Variants in SDK1 observed in about 807,000 individuals in gnomAD.
The protein encoded by SDK1 is protein sidekick-1.
A neutral mutation model predicts 245.5 loss-of-function variants in SDK1; 157 were observed. The ratio of observed to expected loss-of-function variants is 0.64; its 90% CI spans 0.56 to 0.73. The LOEUF is 0.73. SDK1 is among the 30% of genes least tolerant of loss of function. The probability of loss-of-function intolerance (pLI) is 0.00; values close to 1 mark genes in which losing one functional copy is unlikely to be tolerated. For synonymous variants in SDK1, 1,647 were observed against 1,278.5 expected (o/e 1.29, Z -6.15); for missense variants, 3,583 against 3,002.3 (o/e 1.19, Z -4.52).
At chr7:3,639,971 C>G (rs536570571) in intron 3 of SDK1, among the ~76,000 whole-genome samples, 3 of 152,078 alleles carry the variant, frequency 2.0e-5, no homozygotes, top group Non-Finnish European at 4.4e-5. Context: ...CTCAGCCTCC[C>G]GAGTAGCTAG....
intron 4 of SDK1, among the ~76,000 whole-genome samples, chr7:3,711,182 C>A (rs1785039916): frequency 6.6e-6 from 1 of 152,188 alleles, no homozygotes; most frequent in South Asian, 2.1e-4. Flanking sequence ...CTTTTCTAAA[C>A]CACATAAAAG....
At chr7:4,119,685 C>T (rs1276738683) in intron 25 of SDK1, among the ~76,000 whole-genome samples, 1 of 148,984 alleles carries the variant, frequency 6.7e-6, no homozygotes, top group East Asian at 1.9e-4. Flanking sequence ...ACCATCTGGG[C>T]AATCAACAGA....
intron 1 of SDK1, among the ~76,000 whole-genome samples, chr7:3,310,215 C>T (rs934324779): frequency 3.9e-5 from 6 of 152,198 alleles, no homozygotes; most frequent in South Asian, 4.2e-4. Flanking sequence ...TGCTTCAGAC[C>T]CTCAAAGATA....
Position 3,951,014 on chromosome 7 carries a change from G to A in SDK1, c.939G>A (p.Leu313=). ...SVVAGSSETT[L]ECIASARPVE... is the part of the protein sequence containing the mutation. ...TGGCTGGATCCAGTGAGACCACCTT[G>A]GAATGTATAGCCAGTGCCAGGTACG... Residue 313 remains leucine, a synonymous_variant, in exon 6 of 45, where the codon TTG becomes TTA. Coordinates refer to ENST00000404826, the MANE Select transcript of SDK1 (RefSeq NM_152744.4). 2.5e-6 allele frequency: 4 copies of A among 1,613,416 alleles called. No homozygotes were observed. In the South Asian group the frequency reaches 4.4e-5, roughly 18 times the overall value.
At chr7:3,332,935 A>T (rs967823118) in intron 1 of SDK1, among the ~76,000 whole-genome samples, 4 of 152,204 alleles carry the variant, frequency 2.6e-5, no homozygotes, top group Non-Finnish European at 2.9e-5. Context: ...CACTGATTAG[A>T]ATTGAAGGCT....
At chr7:4,226,564 G>C (rs1327718594) in intron 40 of SDK1, among the ~76,000 whole-genome samples, 1 of 152,194 alleles carries the variant, frequency 6.6e-6, no homozygotes, top group Non-Finnish European at 1.5e-5. Context: ...ATTAGCACCA[G>C]GCTAGAACAC....
intron 28 of SDK1, among the ~76,000 whole-genome samples, chr7:4,143,979 G>A (rs1779771470): frequency 6.6e-6 from 1 of 152,182 alleles, no homozygotes; most frequent in African/African-American, 2.4e-5. Context: ...CAGAGTGCGG[G>A]GCGGCCAGGA....
At chr7:4,184,673 G>C (rs965397399) in intron 35 of SDK1, among the ~76,000 whole-genome samples, 1 of 152,228 alleles carries the variant, frequency 6.6e-6, no homozygotes. Context: ...ATTTTTAGCT[G>C]AGATTGATGC....
At chr7:3,598,362 C>A (rs192825096) in intron 1 of SDK1, among the ~76,000 whole-genome samples, 3 of 152,272 alleles carry the variant, frequency 2.0e-5, no homozygotes, top group Admixed American at 1.3e-4. Context: ...TTATTCAACT[C>A]AACAGTGTGT....
chr7:3,346,827 ATTTTTTT>A (rs1163275778), intron 1 of SDK1, among the ~76,000 whole-genome samples: 12 of 16,386 alleles, frequency 7.3e-4, no homozygotes, highest in South Asian at 6.8e-3. Flanking sequence ...ATATATATAT[ATTTTTTT>A]TTTTTTTTTT....
chr7:3,511,050 C>G (rs531165514), intron 1 of SDK1, among the ~76,000 whole-genome samples: 1 of 152,262 alleles, frequency 6.6e-6, no homozygotes, highest in African/African-American at 2.4e-5. Flanking sequence ...GCAGACTAGA[C>G]AAATGGTGAC....
chr7:3,556,533 C>T (rs1324777813), intron 1 of SDK1, among the ~76,000 whole-genome samples: 3 of 151,978 alleles, frequency 2.0e-5, no homozygotes, highest in African/African-American at 4.8e-5. Context: ...CATTTAATAA[C>T]TAGAGGCCAG....
chr7:4,238,161 CCT>C (rs1025237275), intron 42 of SDK1, among the ~76,000 whole-genome samples: 1 of 152,032 alleles, frequency 6.6e-6, no homozygotes, highest in Non-Finnish European at 1.5e-5. Context: ...CTCACAGCAA[CCT>C]CTGTCTCCTG....
At chr7:4,231,437 G>A (rs1202847733) in intron 40 of SDK1, among the ~76,000 whole-genome samples, 1 of 152,040 alleles carries the variant, frequency 6.6e-6, no homozygotes, top group Non-Finnish European at 1.5e-5. Context: ...GCCAGGCGTG[G>A]TGGCGCATGC....
At chr7:3,404,050 G>A (rs897293516) in intron 1 of SDK1, among the ~76,000 whole-genome samples, 1 of 151,188 alleles carries the variant, frequency 6.6e-6, no homozygotes, top group African/African-American at 2.4e-5. Flanking sequence ...GTGAGCAATA[G>A]CATTATGGCT....
intron 35 of SDK1, among the ~76,000 whole-genome samples, chr7:4,193,374 A>T (rs1210258856): frequency 8.6e-4 from 5 of 5,814 alleles, no homozygotes; most frequent in African/African-American, 2.3e-3. Context: ...TAAAATATTT[A>T]TATATATATA....
chr7:3,353,920 T>C (rs566127029), intron 1 of SDK1, among the ~76,000 whole-genome samples: 2 of 152,128 alleles, frequency 1.3e-5, no homozygotes, highest in African/African-American at 4.8e-5. Context: ...GAAAGTTACG[T>C]AACTGACTTG....
chr7:4,208,232 C>T lies in SDK1; in HGVS notation c.5348C>T (p.Ala1783Val). Residue 1783 changes from alanine to valine, a missense_variant, in exon 37 of 45, where the codon GCC (alanine) becomes GTC (valine). Ala to Val is a moderately conservative substitution (Grantham distance 64, BLOSUM62 0). Coordinates refer to ENST00000404826, the MANE Select transcript of SDK1 (RefSeq NM_152744.4). ...KYLVSISAFNAAGDGPKSDPQ... is the reference protein window; with the variant it reads ...KYLVSISAFNVAGDGPKSDPQ... ...CTGGTCAGCATATCAGCCTTCAACG[C>T]CGCCGGAGATGGACCTAAGAGTGAC... 1.2e-6 allele frequency: 2 copies of T among 1,614,074 alleles called. No homozygotes were observed. Among genetic ancestry groups the T allele is most frequent in the Non-Finnish European group, 1.7e-6 (2 of 1,180,002 alleles).
chr7:3,520,612 T>G (rs753363994), intron 1 of SDK1, among the ~76,000 whole-genome samples: 1 of 152,208 alleles, frequency 6.6e-6, no homozygotes, highest in Non-Finnish European at 1.5e-5. Flanking sequence ...GTATCTGACC[T>G]GCTTCCTTAA....
Sources: gnomAD v4.1 joint callset for allele counts (sites outside exome capture counted in the v4.1 genomes callset) on GRCh38, gnomAD v4.1.1 for gene constraint, MANE v1.5 for transcripts, NCBI Gene and HGNC (gene_info 2026-07-23, HGNC 2026-07-21) for gene names.